WRNIP1: variants seen among roughly 807,000 people sequenced by gnomAD.
The protein encoded by WRNIP1 is WRN helicase interacting protein 1.
In WRNIP1, 41 loss-of-function variants were observed where a neutral mutation model predicts 56.1. The ratio of observed to expected loss-of-function variants is 0.73; its 90% CI spans 0.57 to 0.95. The LOEUF is 0.95. Ranked by LOEUF, WRNIP1 falls within the 40% of genes least tolerant of loss-of-function variation. WRNIP1 has a pLI of 0.00. For missense variants in WRNIP1, 1,170 were observed against 939.4 expected, an observed-to-expected ratio of 1.25 and a Z score of -3.21; for synonymous variants, 547 against 398.1, an observed-to-expected ratio of 1.37 and a Z score of -4.45.
At chr6:2,783,898 C>G (rs559227002) in intron 5 of WRNIP1, among the ~76,000 whole-genome samples, 9 of 152,024 alleles carry the variant, frequency 5.9e-5, no homozygotes, top group African/African-American at 1.9e-4. Context: ...GTCAGGTGTT[C>G]AAGGTTTTCT....
At position 2,785,081 on chromosome 6, in the gene WRNIP1, C is replaced by T. The variant is rs148404468; in HGVS notation, c.1797C>T (p.Asn599=). Residue 599 remains asparagine, a synonymous_variant, in exon 7 of 7, where the codon AAC becomes AAT. Coordinates refer to ENST00000380773, the MANE Select transcript of WRNIP1 (RefSeq NM_020135.3). ...TTGAGGTGTACAGCGCCTACAACAA[C>T]GTCAAAGCCTGCCTGAGGAACCACC... ...KSIEVYSAYN[N]VKACLRNHQG... The T allele has an allele frequency of 2.6e-5, 42 of 1,614,188 alleles. No homozygotes were observed. The Admixed American group carries it at 3.2e-4, about 12-fold the overall frequency.
intron 1 of WRNIP1, among the ~76,000 whole-genome samples, chr6:2,766,659 G>A (rs188971138): frequency 1.4e-4 from 21 of 152,332 alleles, no homozygotes; most frequent in African/African-American, 5.1e-4. Flanking sequence ...GGTAAGGCAG[G>A]CTTGCCGGGT....
intron 5 of WRNIP1, 68 bp downstream of exon 5, chr6:2,783,629 C>G (rs529688132): frequency 2.4e-3 from 400 of 166,674 alleles, no homozygotes; most frequent in South Asian, 2.9e-3. Flanking sequence ...ACAGTTACAT[C>G]GTGGCTTTTT....
chr6:2,782,062 G>A (rs929620130), intron 4 of WRNIP1, among the ~76,000 whole-genome samples: 4 of 152,184 alleles, frequency 2.6e-5, no homozygotes, highest in African/African-American at 7.2e-5. Context: ...ACATAAAGTG[G>A]TGTGGGTAGT....
chr6:2,785,422 G>A lies in WRNIP1; in HGVS notation c.*140G>A. 1 of 904,168 alleles carries A rather than the reference G, an allele frequency of 1.1e-6. No individual in the cohort carries two copies. The allele number at this position is 904,168 out of a possible 1,614,324, so 56.0% of individuals were successfully genotyped here. A position where few individuals can be genotyped will look rare whatever the true frequency, so the allele number is the denominator to read the frequency against. On this transcript the variant is annotated 3_prime_UTR_variant, in exon 7 of 7. Transcript: ENST00000380773. Reference sequence around the variant, plus strand: ...TGCCAGAAATTTAAGAGTTCCATAGGTGGAGGCGCAGTTCTTTCGAATAAA... The same window carrying A: ...TGCCAGAAATTTAAGAGTTCCATAGATGGAGGCGCAGTTCTTTCGAATAAA...
At chr6:2,770,931 G>A (rs1045775879) in intron 3 of WRNIP1, among the ~76,000 whole-genome samples, 2 of 152,158 alleles carry the variant, frequency 1.3e-5, no homozygotes, top group African/African-American at 4.8e-5. Flanking sequence ...ATTATAGGCT[G>A]TCCCTATCCT....
rs1764965146 is a variant in WRNIP1, at chr6:2,766,161, C to T, written c.539C>T (p.Ala180Val). The T allele has an allele frequency of 1.5e-6, 2 of 1,332,970 alleles. No individual in the cohort carries two copies. Among genetic ancestry groups the T allele is most frequent in the South Asian group, 2.1e-5 (1 of 47,372 alleles). 82.6% of individuals were successfully genotyped at this position (1,332,970 alleles called of 1,614,324 possible). ...GGCGATGGCGACGGGGACGCGGACG[C>T]GGACGGCGAGGACGACCCGGGGCAC... ...GDGDGDGDAD[A>V]DGEDDPGHWD... Residue 180 changes from alanine (A) to valine (V), a missense_variant, in exon 1 of 7, where the codon GCG becomes GTG. Ala to Val is a moderately conservative substitution (Grantham distance 64). Coordinates refer to ENST00000380773, the MANE Select transcript of WRNIP1 (RefSeq NM_020135.3).
rs535821800 is a variant in WRNIP1 at position 2,766,129 on chromosome 6, G to GGGCGACGGCGAT, written c.516_527dup (p.Gly174_Asp177dup). On this transcript the variant is annotated inframe_insertion, in exon 1 of 7. Coordinates refer to ENST00000380773, the MANE Select transcript of WRNIP1 (RefSeq NM_020135.3). ...AGGCGCAGGAGGAGGAGGAGGCCGT[G>GGGCGACGGCGAT]GGCGACGGCGATGGCGACGGGGACG... 5 of 1,325,648 alleles carry GGGCGACGGCGAT rather than the reference G, an allele frequency of 3.8e-6. No individual in the cohort carries two copies. The East Asian group carries it at 9.2e-5, about 25-fold the overall frequency. The allele number at this position is 1,325,648 out of a possible 1,614,324, so 82.1% of individuals were successfully genotyped here.
chr6:2,780,175 T>G (rs576589637), intron 4 of WRNIP1, among the ~76,000 whole-genome samples: 3 of 152,238 alleles, frequency 2.0e-5, no homozygotes, highest in Non-Finnish European at 4.4e-5. Context: ...TTAGCAAACT[T>G]CTGCTGCTTG....
intron 3 of WRNIP1, 77 bp from the exon 4 acceptor site, chr6:2,779,186 A>T (rs1765501030): frequency 1.7e-5 from 25 of 1,447,428 alleles, no homozygotes; most frequent in Non-Finnish European, 2.3e-5. Context: ...GCTGAGAAGT[A>T]TGAGTTTCTA....
chr6:2,772,531 C>T (rs1047417304), intron 3 of WRNIP1, among the ~76,000 whole-genome samples: 2 of 152,198 alleles, frequency 1.3e-5, no homozygotes, highest in African/African-American at 4.8e-5. Flanking sequence ...ATATGTTTTG[C>T]ATTATCCAGC....
chr6:2,768,352 A>G (rs978864797), intron 1 of WRNIP1, among the ~76,000 whole-genome samples: 9 of 152,214 alleles, frequency 5.9e-5, no homozygotes, highest in African/African-American at 2.2e-4. Flanking sequence ...GTGAGAGGTC[A>G]CAGCTGTCAC....
chr6:2,779,792 A>C (rs1344367802), intron 4 of WRNIP1, among the ~76,000 whole-genome samples: 1 of 152,226 alleles, frequency 6.6e-6, no homozygotes, highest in African/African-American at 2.4e-5. Flanking sequence ...TGCAGAATAC[A>C]ATCACCTTTG....
chr6:2,765,914 G>C lies in WRNIP1; in HGVS notation c.292G>C (p.Glu98Gln), dbSNP rs1376902886. 6.9e-7 allele frequency: 1 copy of C among 1,455,740 alleles called. No homozygotes were observed. The highest frequency in any genetic ancestry group is 1.5e-5 in the African/African-American group (1 of 68,206). The allele number at this position is 1,455,740 out of a possible 1,614,324, so 90.2% of individuals were successfully genotyped here. The change falls in exon 1 of 7, where the codon GAG becomes CAG. Residue 98 changes from glutamate to glutamine, a missense_variant. Transcript: ENST00000380773. ...CGAGAGCAGCGAGGGCGAGGGTGAGGAGGGCGACGACGGCGGCGAGACCGA... is the reference window on the plus strand; with the variant it reads ...CGAGAGCAGCGAGGGCGAGGGTGAGCAGGGCGACGACGGCGGCGAGACCGA... Reference protein sequence around the residue: ...AAESSEGEGEEGDDGGETESR... With the variant: ...AAESSEGEGEQGDDGGETESR...
rs771435301 is a variant in WRNIP1, at chr6:2,779,479, A to G, written c.1473A>G (p.Leu491=). ...VKEGLQRSHI[L]YDRAGEEHYN... ...AGGGCCTACAGCGATCCCACATTTT[A>G]TATGACCGGGCAGGTAAGTAATTCA... is the stretch of plus-strand genomic sequence containing the variant. Residue 491 remains leucine, a synonymous_variant, in exon 4 of 7, where the codon TTA becomes TTG. Coordinates refer to ENST00000380773, the MANE Select transcript of WRNIP1 (RefSeq NM_020135.3). The G allele has an allele frequency of 1.2e-6, 2 of 1,613,758 alleles. No homozygotes were observed. Among genetic ancestry groups the G allele is most frequent in the Non-Finnish European group, 1.7e-6 (2 of 1,179,826 alleles).
At chr6:2,784,845 T>C (rs1765672063) in intron 6 of WRNIP1, among the ~76,000 whole-genome samples, 162 bp from the exon 7 acceptor site, 2 of 152,150 alleles carry the variant, frequency 1.3e-5, no homozygotes, top group African/African-American at 4.8e-5. Context: ...GAATTTCTTC[T>C]GTCTGTCGTA....
rs1237185888 is a variant in WRNIP1, at chr6:2,766,543, C to T, written c.822+99C>T. The T allele has an allele frequency of 1.8e-5, 25 of 1,413,620 alleles. 1 individual carries two copies. In the South Asian group the frequency reaches 3.5e-4, roughly 20 times the overall value. 87.6% of individuals were successfully genotyped at this position (1,413,620 alleles called of 1,614,324 possible). A position where few individuals can be genotyped will look rare whatever the true frequency, so the allele number is the denominator to read the frequency against. ...GTGTGCTGCCCTCGAAAGAAGCCGC[C>T]TGCCTCTCCTGGATAAGGGGGTGCA... is the stretch of plus-strand genomic sequence containing the variant. On this transcript the variant is annotated intron_variant, in intron 1 of 6. Coordinates refer to ENST00000380773, the MANE Select transcript of WRNIP1 (RefSeq NM_020135.3).
intron 3 of WRNIP1, chr6:2,773,008 A>C (rs552109023): frequency 3.3e-4 from 325 of 985,446 alleles, no homozygotes; most frequent in Non-Finnish European, 2.7e-4. Flanking sequence ...GAACATTTAC[A>C]GAGAAGTCCC....
At chr6:2,768,667 C>T in intron 1 of WRNIP1, 24 bp from the exon 2 acceptor site, 1 of 1,565,682 alleles carries the variant, frequency 6.4e-7, no homozygotes, top group Non-Finnish European at 8.7e-7. Context: ...GCTTTTCAAA[C>T]TCCATGTATG....
Sources: allele counts gnomAD v4.1 joint callset (sites outside exome capture counted in the v4.1 genomes callset), GRCh38; gene constraint gnomAD v4.1.1; transcripts MANE v1.5; gene names NCBI Gene and HGNC (gene_info 2026-07-23, HGNC 2026-07-21).